The following ADRA1B variants were observed in gnomAD, a reference collection of about 807,000 sequenced individuals.
ADRA1B encodes adrenoceptor alpha 1B, also known as alpha-1B adrenergic receptor.
A neutral mutation model predicts 17.9 loss-of-function variants in ADRA1B; 17 were observed. The observed-to-expected ratio is 0.95, with a 90% confidence interval of 0.65 to 1.42. The LOEUF (loss-of-function observed/expected upper bound fraction) is 1.42. Ranked by LOEUF, ADRA1B falls within the 40% of genes most tolerant of loss-of-function variation. The pLI, the probability that ADRA1B is intolerant of heterozygous loss-of-function variation, is 0.00. For synonymous variants in ADRA1B, 366 were observed against 327.6 expected (o/e 1.12, Z -1.27); for missense variants, 681 against 722.1 (o/e 0.94, Z 0.65).
intron 1 of ADRA1B, among the ~76,000 whole-genome samples, chr5:159,902,992 G>A (rs1754119572): frequency 1.3e-5 from 2 of 152,144 alleles, no homozygotes; most frequent in African/African-American, 4.8e-5. Flanking sequence ...GGAGCAGCAG[G>A]CCCATGAATC....
chr5:159,870,981 C>T (rs1753731716), intron 1 of ADRA1B: 1 of 152,172 alleles, frequency 6.6e-6, no homozygotes, highest in South Asian at 2.1e-4. Flanking sequence ...CCACATTGGA[C>T]TCACACATGT....
intron 1 of ADRA1B, among the ~76,000 whole-genome samples, chr5:159,902,908 T>C (rs1754118530): frequency 6.6e-6 from 1 of 152,224 alleles, no homozygotes; most frequent in Non-Finnish European, 1.5e-5. Flanking sequence ...GGCGTGTGTC[T>C]ATTCCCCTCC....
At chr5:159,941,757 C>T (rs979323328) in intron 1 of ADRA1B, among the ~76,000 whole-genome samples, 13 of 152,062 alleles carry the variant, frequency 8.5e-5, no homozygotes, top group Non-Finnish European at 1.6e-4. Context: ...AACCGATACG[C>T]TAAGGGAAAG....
chr5:159,972,385 G>T lies in ADRA1B; in HGVS notation c.1456G>T (p.Gly486Trp). ...FKLLTEPESP[G>W]TDGGASNGGC... ...GCTCCTGACCGAGCCCGAGAGCCCC[G>T]GGACCGACGGCGGCGCCAGCAACGG... The change falls in exon 2 of 2, where the codon GGG becomes TGG. Residue 486 changes from glycine to tryptophan, a missense_variant. Physicochemically the swap from Gly to Trp is radical, Grantham distance 184. This residue lies in a region of ADRA1B where 251 missense variants were observed against 224.9 expected (regional missense o/e 1.12). Transcript: ENST00000306675. The T allele has an allele frequency of 6.6e-7, 1 of 1,512,482 alleles. No homozygotes were observed. Among genetic ancestry groups the T allele is most frequent in the South Asian group, 1.2e-5 (1 of 82,116 alleles). The allele number at this position is 1,512,482 out of a possible 1,614,324, so 93.7% of individuals were successfully genotyped here.
At chr5:159,887,266 G>A (rs553280735) in intron 1 of ADRA1B, among the ~76,000 whole-genome samples, 1 of 152,176 alleles carries the variant, frequency 6.6e-6, no homozygotes, top group Non-Finnish European at 1.5e-5. Context: ...TATGTTAATG[G>A]CAAACATCCA....
chr5:159,984,584 C>G, the ADRA1B span, among the ~76,000 whole-genome samples: 2 of 152,198 alleles, frequency 1.3e-5, no homozygotes, highest in South Asian at 4.2e-4. Flanking sequence ...TCCTCCCCAG[C>G]TACCAGAATG....
intron 1 of ADRA1B, among the ~76,000 whole-genome samples, chr5:159,936,954 G>T (rs980144525): frequency 2.7e-4 from 41 of 152,254 alleles, no homozygotes; most frequent in African/African-American, 9.4e-4. Flanking sequence ...TCTTCAAGTG[G>T]GGTCCTCAGC....
At chr5:159,948,476 G>A (rs1319822206) in intron 1 of ADRA1B, 2 of 981,842 alleles carry the variant, frequency 2.0e-6, no homozygotes, top group African/African-American at 1.8e-5. Flanking sequence ...AACTTTTACT[G>A]GGTTAGTTAA....
chr5:159,894,348 G>C (rs1754019710), intron 1 of ADRA1B, among the ~76,000 whole-genome samples: 1 of 152,354 alleles, frequency 6.6e-6, no homozygotes, highest in East Asian at 1.9e-4. Flanking sequence ...TTAGGGGATA[G>C]AGAATTTTTC....
chr5:159,965,872 G>A (rs539538794), intron 1 of ADRA1B, among the ~76,000 whole-genome samples: 1 of 152,160 alleles, frequency 6.6e-6, no homozygotes, highest in Non-Finnish European at 1.5e-5. Context: ...AGACCAGGCT[G>A]TAGAGCAATG....
intron 1 of ADRA1B, among the ~76,000 whole-genome samples, chr5:159,941,756 G>A (rs372729955): frequency 5.3e-5 from 8 of 152,066 alleles, no homozygotes; most frequent in Admixed American, 3.9e-4. Flanking sequence ...AAACCGATAC[G>A]CTAAGGGAAA....
At position 159,917,348 on chromosome 5, in the gene ADRA1B, G is replaced by A. The variant is rs758643818; in HGVS notation, c.443G>A (p.Arg148His). 6.2e-7 allele frequency: 1 copy of A among 1,614,014 alleles called. No homozygotes were observed. Among genetic ancestry groups the A allele is most frequent in the Non-Finnish European group, 8.5e-7 (1 of 1,180,024 alleles). ...AISIDRYIGV[R>H]YSLQYPTLVT... ...TCCATCGATCGCTACATCGGGGTGC[G>A]CTACTCTCTGCAGTATCCCACGCTG... Residue 148 changes from arginine (R) to histidine (H), a missense_variant, in exon 1 of 2, where the codon CGC (arginine) becomes CAC (histidine). Physicochemically the swap from Arg to His is conservative, Grantham distance 29. Transcript: ENST00000306675.
In ADRA1B at chr5:159,917,589, A is replaced by G. The variant is rs1375567304; in HGVS notation, c.684A>G (p.Ile228Met). 1.2e-6 allele frequency: 2 copies of G among 1,614,022 alleles called. No individual in the cohort carries two copies. Among genetic ancestry groups the G allele is most frequent in the Non-Finnish European group, 1.7e-6 (2 of 1,179,994 alleles). The change falls in exon 1 of 2, where the codon ATA becomes ATG. Residue 228 changes from isoleucine (I) to methionine (M), a missense_variant. By Grantham distance (10) the Ile-to-Met change is conservative (BLOSUM62 1). This residue lies in a region of ADRA1B where 424 missense variants were observed against 480.2 expected (regional missense o/e 0.88). Transcript: ENST00000306675. ...VILVMYCRVY[I>M]VAKRTTKNLE... ...TAGTCATGTACTGCCGTGTCTATAT[A>G]GTGGCCAAGAGAACCACCAAGAACC...
chr5:159,951,022 CA>C, intron 1 of ADRA1B: 2 of 683,648 alleles, frequency 2.9e-6, no homozygotes, highest in East Asian at 2.9e-5. Context: ...TGACCTCGCC[CA>C]GGGGCACTAA....
intron 1 of ADRA1B, among the ~76,000 whole-genome samples, chr5:159,897,939 T>G (rs1233305705): frequency 6.6e-6 from 1 of 152,212 alleles, no homozygotes; most frequent in Non-Finnish European, 1.5e-5. Context: ...TGCCAGAGGC[T>G]GGGATGACAG....
Position 159,972,430 on chromosome 5 carries a change from G to C in ADRA1B, c.1501G>C (p.Asp501His). The change falls in exon 2 of 2, where the codon GAC (aspartate) becomes CAC (histidine). Residue 501 changes from aspartate to histidine, a missense_variant. By Grantham distance (81) the Asp-to-His change is moderately conservative. This residue lies in a region of ADRA1B where 251 missense variants were observed against 224.9 expected (regional missense o/e 1.12). Coordinates refer to ENST00000306675, the MANE Select transcript of ADRA1B (RefSeq NM_000679.4). Reference sequence around the variant, plus strand: ...CAACGGAGGCTGCGAGGCCGCGGCCGACGTGGCCAACGGGCAGCCGGGCTT... The same window carrying C: ...CAACGGAGGCTGCGAGGCCGCGGCCCACGTGGCCAACGGGCAGCCGGGCTT... ...ASNGGCEAAADVANGQPGFKS... is the reference protein window; with the variant it reads ...ASNGGCEAAAHVANGQPGFKS... The C allele has an allele frequency of 2.0e-6, 3 of 1,503,486 alleles. No individual in the cohort carries two copies. The highest frequency in any genetic ancestry group is 2.7e-6 in the Non-Finnish European group (3 of 1,131,972). The allele number at this position is 1,503,486 out of a possible 1,614,324, so 93.1% of individuals were successfully genotyped here. A position where few individuals can be genotyped will look rare whatever the true frequency, so the allele number is the denominator to read the frequency against.
intron 1 of ADRA1B, among the ~76,000 whole-genome samples, chr5:159,966,529 G>T (rs1755778813): frequency 6.6e-6 from 1 of 152,194 alleles, no homozygotes; most frequent in South Asian, 2.1e-4. Context: ...CTGAGGACTT[G>T]TTCAGGGTGC....
intron 1 of ADRA1B, among the ~76,000 whole-genome samples, chr5:159,923,151 C>T (rs1352759455): frequency 6.6e-6 from 1 of 152,264 alleles, no homozygotes; most frequent in Non-Finnish European, 1.5e-5. Context: ...AGAAGGGAGG[C>T]AGGTGCGTGT....
At chr5:159,941,155 T>C (rs1755115264) in intron 1 of ADRA1B, among the ~76,000 whole-genome samples, 1 of 152,110 alleles carries the variant, frequency 6.6e-6, no homozygotes, top group Non-Finnish European at 1.5e-5. Flanking sequence ...GACACATGAG[T>C]GTAATCATAT....
Sources: allele counts gnomAD v4.1 joint callset (sites outside exome capture counted in the v4.1 genomes callset), GRCh38; gene constraint gnomAD v4.1.1; regional missense constraint gnomAD v4.1.1; transcripts MANE v1.5; gene names NCBI Gene and HGNC (gene_info 2026-07-23, HGNC 2026-07-21).